Variants in ARHGAP8 observed in about 807,000 individuals in gnomAD.
The protein encoded by ARHGAP8 is Rho GTPase activating protein 8.
A neutral mutation model predicts 46.1 loss-of-function variants in ARHGAP8; 62 were observed. That is an observed-to-expected ratio of 1.34 (90% CI 1.10 to 1.66). The LOEUF (loss-of-function observed/expected upper bound fraction) is 1.66. Among genes scored for constraint, ARHGAP8 ranks in the 40% most tolerant of loss-of-function variants. The probability of loss-of-function intolerance (pLI) is 0.00; values close to 1 mark genes in which losing one functional copy is unlikely to be tolerated. For synonymous variants in ARHGAP8, 375 were observed against 243.1 expected (o/e 1.54, Z -5.05); for missense variants, 923 against 568.4 (o/e 1.62, Z -6.34).
rs542691363 is a variant in ARHGAP8 at position 44,755,136 on chromosome 22, G to A, written c.-72+2509G>A. ...AGGAGGCACGGACTGTTACTGCCCC[G>A]TTCACAGATGAGGAAACAGACAAGG... On this transcript the variant is annotated intron_variant, in intron 1 of 11. Transcript: ENST00000356099. Among the ~76,000 whole-genome samples, 79 of 152,338 alleles carry A rather than the reference G, an allele frequency of 5.2e-4. 1 individual carries two copies. In the South Asian group the frequency reaches 9.3e-3, roughly 18 times the overall value.
intron 5 of ARHGAP8, among the ~76,000 whole-genome samples, chr22:44,818,581 A>G (rs1461228026): frequency 6.6e-6 from 1 of 152,240 alleles, no homozygotes; most frequent in East Asian, 1.9e-4. Flanking sequence ...CAAAAGAGCC[A>G]ACCCCTCTCT....
intron 5 of ARHGAP8, among the ~76,000 whole-genome samples, chr22:44,821,296 G>T (rs949733267): frequency 6.6e-6 from 1 of 152,016 alleles, no homozygotes; most frequent in Non-Finnish European, 1.5e-5. Flanking sequence ...CAGGCGTGGT[G>T]GTGTGCACCT....
rs114175874 is a variant in ARHGAP8, at chr22:44,784,105, A to T, written c.-71-2352A>T. ...CACAATAAAACCATGCAAATTAAAA[A>T]TAAAAAAAAAGTACACTGCCAGCCA... On this transcript the variant is annotated intron_variant, in intron 1 of 11. Coordinates refer to ENST00000356099, the MANE Select transcript of ARHGAP8 (RefSeq NM_181335.3). 1.9e-3 allele frequency among the ~76,000 whole-genome samples: 283 copies of T among 151,950 alleles called. 1 individual carries two copies. The highest frequency in any genetic ancestry group is 6.7e-3 in the African/African-American group (276 of 41,250).
At position 44,786,551 on chromosome 22, in the gene ARHGAP8, G is replaced by A; in HGVS notation, c.24G>A (p.Leu8=). The A allele has an allele frequency of 1.2e-6, 2 of 1,613,402 alleles. No individual in the cohort carries two copies. Among genetic ancestry groups the A allele is most frequent in the Non-Finnish European group, 1.7e-6 (2 of 1,179,708 alleles). ...CCATGGCTGGCCAGGATCCTGCGCTGAGCACGAGTCACCCGTTCTACGACG... is the reference window on the plus strand; with the variant it reads ...CCATGGCTGGCCAGGATCCTGCGCTAAGCACGAGTCACCCGTTCTACGACG... MAGQDPA[L]STSHPFYDVA... is the part of the protein sequence containing the mutation. Residue 8 remains leucine (L), a synonymous_variant, in exon 2 of 12, where the codon CTG becomes CTA. Transcript: ENST00000356099.
At chr22:44,771,599 G>C (rs1926009637) in intron 1 of ARHGAP8, among the ~76,000 whole-genome samples, 1 of 149,960 alleles carries the variant, frequency 6.7e-6, no homozygotes, top group Admixed American at 6.8e-5. Context: ...TTGTCCCCCA[G>C]GCTGCAGTGC....
rs35942720 is a variant in ARHGAP8, at chr22:44,851,393, ATATTTATT to A, written c.877+2356_877+2363del. Among the ~76,000 whole-genome samples the A allele has an allele frequency of 1.5e-3, 227 of 151,126 alleles. 1 individual carries two copies. In the Middle Eastern group the frequency reaches 0.017, roughly 11 times the overall value. Reference sequence around the variant, plus strand: ...TTTACATGACACAGGAGCCTTTTAAATATTTATTTATTTATTTATTTATTTATTTAATT... The same window carrying A: ...TTTACATGACACAGGAGCCTTTTAAATATTTATTTATTTATTTATTTAATT... On this transcript the variant is annotated intron_variant, in intron 10 of 11. Coordinates refer to ENST00000356099, the MANE Select transcript of ARHGAP8 (RefSeq NM_181335.3).
rs376046973 is a variant in ARHGAP8 at position 44,822,482 on chromosome 22, T to A, written c.485+13T>A. The stretch of plus-strand genomic sequence containing the variant: ...CCGAAGTTTTGCGGTAAGTGCCTGT[T>A]AGACCCCAGAAGCCGCATCAATACA... On this transcript the variant is annotated intron_variant, in intron 6 of 11. Transcript: ENST00000356099. The A allele has an allele frequency of 6.5e-7, 1 of 1,533,386 alleles. No individual in the cohort carries two copies. The highest frequency in any genetic ancestry group is 8.7e-7 in the Non-Finnish European group (1 of 1,149,538). 95.0% of individuals were successfully genotyped at this position (1,533,386 alleles called of 1,614,324 possible). A position where few individuals can be genotyped will look rare whatever the true frequency, so the allele number is the denominator to read the frequency against.
intron 4 of ARHGAP8, among the ~76,000 whole-genome samples, chr22:44,813,925 A>C (rs1180403621): frequency 6.6e-6 from 1 of 152,164 alleles, no homozygotes; most frequent in Non-Finnish European, 1.5e-5. Context: ...AGTGGATAAG[A>C]GGTGGCTCTG....
Position 44,848,952 on chromosome 22 carries a change from G to T in ARHGAP8, c.769G>T (p.Asp257Tyr), listed in dbSNP as rs756829908. 9.9e-6 allele frequency: 16 copies of T among 1,614,094 alleles called. No individual in the cohort carries two copies. The East Asian group carries it at 1.6e-4, about 16-fold the overall frequency. ...YNQGKPVNFD[D>Y]YGDIHIPAVI... ...TGCAGGGAAGCCCGTGAACTTTGAC[G>T]ACTACGGGGACATTCACATCCCTGC... Residue 257 changes from aspartate (D) to tyrosine (Y), a missense_variant, in exon 10 of 12, where the codon GAC becomes TAC. By Grantham distance (160) the Asp-to-Tyr change is radical. Coordinates refer to ENST00000356099, the MANE Select transcript of ARHGAP8 (RefSeq NM_181335.3).
chr22:44,805,653 C>T (rs901919665), intron 3 of ARHGAP8, among the ~76,000 whole-genome samples: 2 of 152,136 alleles, frequency 1.3e-5, no homozygotes, highest in Non-Finnish European at 2.9e-5. Flanking sequence ...TTTCACTCAG[C>T]GTGGGACAAG....
chr22:44,795,493 G>C (rs893764274), intron 2 of ARHGAP8, among the ~76,000 whole-genome samples: 1 of 151,988 alleles, frequency 6.6e-6, no homozygotes, highest in African/African-American at 2.4e-5. Flanking sequence ...CTCTGGGCCA[G>C]CTGACCAGAG....
intron 7 of ARHGAP8, among the ~76,000 whole-genome samples, chr22:44,833,096 C>CTTTTTTTT (rs533794156): frequency 8.3e-6 from 1 of 120,430 alleles, no homozygotes. Context: ...CTTTTCTTTT[C>CTTTTTTTT]TTTTTTTTTT....
chr22:44,836,525 T>C (rs1422558216), intron 7 of ARHGAP8, among the ~76,000 whole-genome samples: 1 of 151,468 alleles, frequency 6.6e-6, no homozygotes, highest in Admixed American at 6.6e-5. Context: ...GAGTGGGCTT[T>C]AGTATTGCAC....
intron 5 of ARHGAP8, among the ~76,000 whole-genome samples, chr22:44,819,319 G>A (rs754545499): frequency 2.2e-4 from 33 of 152,166 alleles, no homozygotes; most frequent in South Asian, 4.2e-4. Flanking sequence ...CTCCAGCCTC[G>A]GCCTCTCAAA....
At chr22:44,762,541 C>T (rs1438570145) in intron 1 of ARHGAP8, among the ~76,000 whole-genome samples, 1 of 128,768 alleles carries the variant, frequency 7.8e-6, no homozygotes, top group African/African-American at 2.8e-5. Context: ...CTCTCTCTCT[C>T]TCTTTTTTTT....
chr22:44,756,202 T>C (rs941816159), intron 1 of ARHGAP8, among the ~76,000 whole-genome samples: 8 of 152,128 alleles, frequency 5.3e-5, no homozygotes, highest in African/African-American at 1.9e-4. Context: ...TTCCTGAAAC[T>C]CCTGGGTAGC....
At chr22:44,791,183 T>C (rs1728654004) in intron 2 of ARHGAP8, among the ~76,000 whole-genome samples, 2 of 52,370 alleles carry the variant, frequency 3.8e-5, no homozygotes, top group African/African-American at 1.3e-4. Context: ...CTGGGAGGGA[T>C]GTTGTTGTGG....
At chr22:44,857,306 C>A (rs2070255039) in intron 10 of ARHGAP8, among the ~76,000 whole-genome samples, 1 of 152,128 alleles carries the variant, frequency 6.6e-6, no homozygotes, top group South Asian at 2.1e-4. Context: ...AGCTCCCAGA[C>A]CAAGTGAGGT....
At chr22:44,792,139 G>C (rs985596896) in intron 2 of ARHGAP8, among the ~76,000 whole-genome samples, 2 of 151,820 alleles carry the variant, frequency 1.3e-5, no homozygotes, top group Non-Finnish European at 2.9e-5. Flanking sequence ...AGCCTCCCGA[G>C]TAGCTGAGAT....
Sources: gnomAD v4.1 joint callset for allele counts (sites outside exome capture counted in the v4.1 genomes callset) on GRCh38, gnomAD v4.1.1 for gene constraint, MANE v1.5 for transcripts, NCBI Gene and HGNC (gene_info 2026-07-23, HGNC 2026-07-21) for gene names.